Variants in EHBP1 observed in about 807,000 individuals in gnomAD.
The protein encoded by EHBP1 is EH domain-binding protein 1.
A neutral mutation model predicts 144.0 loss-of-function variants in EHBP1; 55 were observed. The observed-to-expected ratio is 0.38, with a 90% CI of 0.31 to 0.48. The LOEUF (loss-of-function observed/expected upper bound fraction) is 0.48. Among genes scored for constraint, EHBP1 ranks in the 20% least tolerant of loss-of-function variants. The pLI is 0.98. For missense variants in EHBP1, 1,200 were observed against 1,364.2 expected, an observed-to-expected ratio of 0.88 and a Z score of 1.90; for synonymous variants, 469 against 472.7, an observed-to-expected ratio of 0.99 and a Z score of 0.10.
chr2:62,929,288 T>C (rs1399745581), intron 10 of EHBP1, among the ~76,000 whole-genome samples: 1 of 152,134 alleles, frequency 6.6e-6, no homozygotes, highest in Admixed American at 6.5e-5. Context: ...AAAACAAAAC[T>C]GCAGACTAAT....
At chr2:62,784,280 A>G (rs2042654348) in intron 5 of EHBP1, among the ~76,000 whole-genome samples, 1 of 152,174 alleles carries the variant, frequency 6.6e-6, no homozygotes, top group Non-Finnish European at 1.5e-5. Context: ...CAAACTGAAG[A>G]AGAGAAAGAT....
chr2:62,728,354 C>G (rs1224006895), intron 2 of EHBP1, among the ~76,000 whole-genome samples: 1 of 152,204 alleles, frequency 6.6e-6, no homozygotes, highest in Non-Finnish European at 1.5e-5. Flanking sequence ...ATTTCACATT[C>G]CCACCAGCAA....
chr2:62,747,321 C>T (rs2039251811), intron 2 of EHBP1, 74 bp from the exon 3 acceptor site: 5 of 1,356,718 alleles, frequency 3.7e-6, no homozygotes, highest in South Asian at 2.5e-5. Context: ...GACATTTTTG[C>T]CCTTTTAAAG....
chr2:62,727,455 G>A lies in EHBP1; in HGVS notation c.105-19940G>A, dbSNP rs542056920. Among the ~76,000 whole-genome samples, 3 of 152,114 alleles carry A rather than the reference G, an allele frequency of 2.0e-5. No individual in the cohort carries two copies. In the South Asian group the frequency reaches 6.2e-4, roughly 32 times the overall value. ...TTGTGAAAAAATCCCGTACCTGTTAGCAGTCACTCCGTATTCCTCTGGAAC... is the reference window on the plus strand; with the variant it reads ...TTGTGAAAAAATCCCGTACCTGTTAACAGTCACTCCGTATTCCTCTGGAAC... On this transcript the variant is annotated intron_variant, in intron 2 of 22. Coordinates refer to ENST00000431489, the MANE Select transcript of EHBP1 (RefSeq NM_001142616.3).
At chr2:62,738,221 C>T (rs567644742) in intron 2 of EHBP1, among the ~76,000 whole-genome samples, 2 of 152,250 alleles carry the variant, frequency 1.3e-5, no homozygotes, top group South Asian at 4.1e-4. Context: ...ATCATATCCT[C>T]CCTGAAGCAT....
At chr2:62,693,309 A>G (rs928451032) in intron 1 of EHBP1, among the ~76,000 whole-genome samples, 1 of 152,074 alleles carries the variant, frequency 6.6e-6, no homozygotes, top group Non-Finnish European at 1.5e-5. Flanking sequence ...GTGAATAGTG[A>G]TTCAATACAC....
At chr2:62,857,885 A>G (rs1354199308) in intron 7 of EHBP1, among the ~76,000 whole-genome samples, 1 of 152,106 alleles carries the variant, frequency 6.6e-6, no homozygotes, top group East Asian at 1.9e-4. Context: ...GTAGTAGAAA[A>G]TAGTAACTGT....
chr2:62,867,937 A>C (rs1034710205), intron 9 of EHBP1, among the ~76,000 whole-genome samples: 1 of 152,180 alleles, frequency 6.6e-6, no homozygotes, highest in African/African-American at 2.4e-5. Context: ...TCAATTAGGA[A>C]ATGATAATCT....
intron 3 of EHBP1, among the ~76,000 whole-genome samples, chr2:62,754,745 C>T (rs1294976582): frequency 1.3e-5 from 2 of 152,220 alleles, no homozygotes; most frequent in African/African-American, 4.8e-5. Flanking sequence ...GACTGCTGTA[C>T]TAGCAATGGG....
chr2:62,716,527 G>A (rs1028403231), intron 2 of EHBP1, among the ~76,000 whole-genome samples: 10 of 152,270 alleles, frequency 6.6e-5, no homozygotes, highest in South Asian at 4.1e-4. Flanking sequence ...GGTATCATGT[G>A]AACTGTTTTT....
chr2:62,842,682 A>T (rs975882051), intron 7 of EHBP1, among the ~76,000 whole-genome samples: 3 of 152,192 alleles, frequency 2.0e-5, no homozygotes. Context: ...CTGAGTTTTT[A>T]TAATTCCAGT....
Position 62,784,751 on chromosome 2 carries a change from G to C in EHBP1, c.312+13359G>C, listed in dbSNP as rs191486193. Reference sequence around the variant, plus strand: ...AGTGAGGAGAGTACTAGGGGTTGAAGCTATCAACATGAGCCCTTACTCATC... The same window carrying C: ...AGTGAGGAGAGTACTAGGGGTTGAACCTATCAACATGAGCCCTTACTCATC... On this transcript the variant is annotated intron_variant, in intron 5 of 22. Coordinates refer to ENST00000431489, the MANE Select transcript of EHBP1 (RefSeq NM_001142616.3). Among the ~76,000 whole-genome samples the C allele has an allele frequency of 1.0e-3, 154 of 152,310 alleles. 1 individual carries two copies. Among genetic ancestry groups the C allele is most frequent in the African/African-American group, 3.6e-3 (151 of 41,574 alleles).
intron 1 of EHBP1, among the ~76,000 whole-genome samples, chr2:62,682,857 A>G (rs1298908583): frequency 2.0e-5 from 3 of 152,160 alleles, no homozygotes; most frequent in African/African-American, 7.2e-5. Context: ...TGCACCCTCC[A>G]CTCACTGACA....
Position 63,018,367 on chromosome 2 carries a change from G to T in EHBP1, c.3104-19168G>T, listed in dbSNP as rs189938895. ...ATTTGTTCAGCTAATTCAAGCTTCT[G>T]TTGCTATCTGTATTTCATTATTTAG... On this transcript the variant is annotated intron_variant, in intron 19 of 22. Transcript: ENST00000431489. 1.9e-3 allele frequency among the ~76,000 whole-genome samples: 290 copies of T among 152,138 alleles called. 2 individuals are homozygous for T. In the Middle Eastern group the frequency reaches 0.031, roughly 16 times the overall value.
chr2:62,932,196 T>C (rs2056054518), intron 10 of EHBP1, among the ~76,000 whole-genome samples: 1 of 148,830 alleles, frequency 6.7e-6, no homozygotes, highest in Non-Finnish European at 1.5e-5. Flanking sequence ...AAAAAGAACA[T>C]ATTCCCACAG....
chr2:62,852,871 C>T (rs79678516), intron 7 of EHBP1, among the ~76,000 whole-genome samples: 38 of 152,156 alleles, frequency 2.5e-4, no homozygotes, highest in South Asian at 8.3e-4. Context: ...AGTCAGAGTA[C>T]GATTTAAAAC....
intron 19 of EHBP1, among the ~76,000 whole-genome samples, chr2:63,009,890 AAG>A (rs1304985607): frequency 6.6e-6 from 1 of 151,544 alleles, no homozygotes; most frequent in Non-Finnish European, 1.5e-5. Context: ...TAGGCACAGT[AAG>A]AGATTAATAG....
intron 5 of EHBP1, among the ~76,000 whole-genome samples, chr2:62,814,674 A>T (rs554761604): frequency 6.6e-6 from 1 of 152,356 alleles, no homozygotes; most frequent in South Asian, 2.1e-4. Context: ...GGTACTTACT[A>T]TTGGCCTATG....
chr2:62,779,429 C>T (rs1039793688), intron 5 of EHBP1, among the ~76,000 whole-genome samples: 6 of 152,186 alleles, frequency 3.9e-5, no homozygotes, highest in Non-Finnish European at 1.5e-5. Flanking sequence ...CCAGTCCTTT[C>T]CTTACCCTAT....
Sources: gnomAD v4.1 joint callset for allele counts (sites outside exome capture counted in the v4.1 genomes callset) on GRCh38, gnomAD v4.1.1 for gene constraint, MANE v1.5 for transcripts, NCBI Gene and HGNC (gene_info 2026-07-23, HGNC 2026-07-21) for gene names.